The following CSMD3 variants were observed in gnomAD, a reference collection of about 807,000 sequenced individuals.
The protein encoded by CSMD3 is CUB and Sushi multiple domains 3.
CSMD3 carries 177 observed loss-of-function variants against 435.2 expected under a neutral mutation model. The observed-to-expected ratio is 0.41, with a 90% CI of 0.36 to 0.46. The LOEUF (loss-of-function observed/expected upper bound fraction) is 0.46, where lower values mean the gene tolerates loss of function less well. Among genes scored for constraint, CSMD3 ranks in the 20% least tolerant of loss-of-function variants. CSMD3 has a pLI of 0.34. For missense variants in CSMD3, 4,265 were observed against 4,504.6 expected, an observed-to-expected ratio of 0.95 and a Z score of 1.52; for synonymous variants, 1,656 against 1,520.5, an observed-to-expected ratio of 1.09 and a Z score of -2.07.
At chr8:112,873,829 G>C (rs1257692927) in intron 10 of CSMD3, among the ~76,000 whole-genome samples, 3 of 151,706 alleles carry the variant, frequency 2.0e-5, no homozygotes, top group Non-Finnish European at 4.4e-5. Flanking sequence ...CTGGCTAGCA[G>C]ACTATTTTGT....
At chr8:112,999,502 C>G (rs2085782994) in intron 6 of CSMD3, among the ~76,000 whole-genome samples, 1 of 151,724 alleles carries the variant, frequency 6.6e-6, no homozygotes, top group African/African-American at 2.4e-5. Context: ...ATGCAACAAG[C>G]TTTTTACTCA....
rs755875619 is a variant in CSMD3 at position 112,550,663 on chromosome 8, A to C, written c.4564+8T>G. 1 of 1,552,174 alleles carries C rather than the reference A, an allele frequency of 6.4e-7. No homozygotes were observed. Among genetic ancestry groups the C allele is most frequent in the Admixed American group, 1.7e-5 (1 of 59,650 alleles). On this transcript the variant is annotated splice_region_variant and intron_variant, in intron 27 of 70. Transcript: ENST00000297405. ...TTTGCATTGAAGAAATTTTTTGAAA[A>C]AACTTACTTGAAAACTGAATTGCAA...
At chr8:112,436,376 G>T (rs1254816875) in intron 32 of CSMD3, among the ~76,000 whole-genome samples, 1 of 151,660 alleles carries the variant, frequency 6.6e-6, no homozygotes, top group Non-Finnish European at 1.5e-5. Flanking sequence ...GAGTTACTAG[G>T]ACAAAGACAT....
intron 13 of CSMD3, among the ~76,000 whole-genome samples, chr8:112,772,386 T>TA (rs2078140741): frequency 6.6e-6 from 1 of 152,116 alleles, no homozygotes; most frequent in African/African-American, 2.4e-5. Flanking sequence ...TGTGCTTTGT[T>TA]AAACAAATGC....
chr8:112,610,031 G>A (rs1833134044), intron 22 of CSMD3, among the ~76,000 whole-genome samples: 1 of 152,060 alleles, frequency 6.6e-6, no homozygotes, highest in Non-Finnish European at 1.5e-5. Context: ...GGGAAATGGT[G>A]AGATGTCGGC....
At chr8:113,078,121 C>T (rs1000154300) in intron 5 of CSMD3, among the ~76,000 whole-genome samples, 3 of 152,084 alleles carry the variant, frequency 2.0e-5, no homozygotes, top group Non-Finnish European at 2.9e-5. Flanking sequence ...GCATAAGATG[C>T]CATTTACAGT....
rs959336964 is a variant in CSMD3 at position 112,341,618 on chromosome 8, A to T, written c.6511T>A (p.Ser2171Thr). ...IHDYLEVRSG[S>T]SETSTVIGRL... Reference sequence around the variant, plus strand: ...CCAATAACAGTACTAGTTTCTGAGGATCCACTTCGTACTTCCAAATAATCA... The same window carrying T: ...CCAATAACAGTACTAGTTTCTGAGGTTCCACTTCGTACTTCCAAATAATCA... The change falls in exon 42 of 71, where the codon TCC (serine) becomes ACC (threonine). Residue 2171 changes from serine to threonine, a missense_variant. Ser to Thr is a moderately conservative substitution (Grantham distance 58). Transcript: ENST00000297405. The T allele has an allele frequency of 6.2e-7, 1 of 1,613,308 alleles. No homozygotes were observed. Among genetic ancestry groups the T allele is most frequent in the Admixed American group, 1.7e-5 (1 of 59,994 alleles).
chr8:113,166,252 C>A lies in CSMD3; in HGVS notation c.709+7470G>T, dbSNP rs190462003. Among the ~76,000 whole-genome samples the A allele has an allele frequency of 5.2e-3, 787 of 152,106 alleles. 11 individuals carry two copies. The highest frequency in any genetic ancestry group is 0.018 in the African/African-American group (760 of 41,516). On this transcript the variant is annotated intron_variant, in intron 4 of 70. Transcript: ENST00000297405. ...GGGTGCGGTGGCTCACACCTGTAATCCCAGCACTTTGGGAGGTCGAGGCAA... is the reference window on the plus strand; with the variant it reads ...GGGTGCGGTGGCTCACACCTGTAATACCAGCACTTTGGGAGGTCGAGGCAA...
chr8:112,775,184 A>G (rs1431078375), intron 13 of CSMD3, among the ~76,000 whole-genome samples: 1 of 151,722 alleles, frequency 6.6e-6, no homozygotes, highest in Non-Finnish European at 1.5e-5. Flanking sequence ...TAATATTATT[A>G]TATGATATAT....
intron 49 of CSMD3, 52 bp from the exon 50 acceptor site, chr8:112,311,218 A>T: frequency 6.8e-7 from 1 of 1,470,866 alleles, no homozygotes; most frequent in East Asian, 2.3e-5. Flanking sequence ...AGAAGTTATT[A>T]CCCAAAGTGA....
intron 10 of CSMD3, among the ~76,000 whole-genome samples, chr8:112,874,403 C>T (rs1422241105): frequency 6.6e-6 from 1 of 152,096 alleles, no homozygotes; most frequent in East Asian, 1.9e-4. Context: ...GTGGAGAATT[C>T]TGTAGATGTC....
At chr8:113,223,798 TG>T in intron 3 of CSMD3, among the ~76,000 whole-genome samples, 1 of 150,162 alleles carries the variant, frequency 6.7e-6, no homozygotes, top group South Asian at 2.1e-4. Context: ...AAAGTATTCA[TG>T]TATCTGTGTG....
At chr8:112,382,575 T>C (rs542188747) in intron 37 of CSMD3, among the ~76,000 whole-genome samples, 2 of 152,340 alleles carry the variant, frequency 1.3e-5, no homozygotes, top group South Asian at 2.1e-4. Flanking sequence ...ATGTTAGCTA[T>C]ATTTATATTT....
intron 3 of CSMD3, among the ~76,000 whole-genome samples, chr8:113,226,766 T>G (rs2093033473): frequency 6.6e-6 from 1 of 151,614 alleles, no homozygotes; most frequent in South Asian, 2.1e-4. Context: ...GAAGCAGGCT[T>G]CCTTGAAGCT....
chr8:112,389,617 G>C (rs1315952524), intron 36 of CSMD3, among the ~76,000 whole-genome samples: 1 of 152,062 alleles, frequency 6.6e-6, no homozygotes, highest in Admixed American at 6.6e-5. Context: ...AATCCATGAA[G>C]CTGATTTTTT....
intron 4 of CSMD3, among the ~76,000 whole-genome samples, chr8:113,112,888 T>C (rs932744882): frequency 6.6e-6 from 1 of 152,206 alleles, no homozygotes; most frequent in Non-Finnish European, 1.5e-5. Context: ...GTTTTGCAAG[T>C]GGAGTACTGG....
intron 1 of CSMD3, among the ~76,000 whole-genome samples, chr8:113,353,627 A>T (rs2132930063): frequency 6.6e-6 from 1 of 152,146 alleles, no homozygotes; most frequent in East Asian, 1.9e-4. Flanking sequence ...TTTCTACTTG[A>T]TTCTGGGAAA....
At chr8:113,246,232 G>T (rs1035653564) in intron 3 of CSMD3, among the ~76,000 whole-genome samples, 3 of 151,474 alleles carry the variant, frequency 2.0e-5, no homozygotes, top group Non-Finnish European at 4.4e-5. Context: ...ACTTTATTGT[G>T]TACCACAAGT....
intron 11 of CSMD3, among the ~76,000 whole-genome samples, chr8:112,846,916 C>T (rs573165922): frequency 3.3e-5 from 5 of 151,938 alleles, no homozygotes; most frequent in South Asian, 2.1e-4. Flanking sequence ...AAAAGATCAG[C>T]GCCTTTAAAA....
Sources: allele counts gnomAD v4.1 joint callset (sites outside exome capture counted in the v4.1 genomes callset), GRCh38; gene constraint gnomAD v4.1.1; transcripts MANE v1.5; gene names NCBI Gene and HGNC (gene_info 2026-07-23, HGNC 2026-07-21).